Variants in CDH23 observed in about 807,000 individuals in gnomAD.
CDH23 encodes cadherin-23.
A neutral mutation model predicts 317.1 loss-of-function variants in CDH23; 189 were observed. That is an observed-to-expected ratio of 0.60 (90% CI 0.53 to 0.67). The LOEUF is 0.67. Ranked by LOEUF, CDH23 falls within the 30% of genes least tolerant of loss-of-function variation. CDH23 has a pLI of 0.00. For synonymous variants in CDH23, 1,839 were observed against 1,876.8 expected, an observed-to-expected ratio of 0.98 and a Z score of 0.52; for missense variants, 4,401 against 4,592.4, an observed-to-expected ratio of 0.96 and a Z score of 1.20.
intron 1 of CDH23, among the ~76,000 whole-genome samples, chr10:71,420,225 G>A (rs979350763): frequency 6.6e-6 from 1 of 150,728 alleles, no homozygotes; most frequent in Non-Finnish European, 1.5e-5. Flanking sequence ...TTTTATTTTT[G>A]GGCAGGCAAT....
At chr10:71,731,017 G>A (rs993110439) in intron 31 of CDH23, among the ~76,000 whole-genome samples, 5 of 152,340 alleles carry the variant, frequency 3.3e-5, no homozygotes, top group South Asian at 4.1e-4. Context: ...CCTAGCACAC[G>A]CAGACCCCCT....
In CDH23 at chr10:71,734,485, G is replaced by A. The variant is rs1023944308; in HGVS notation, c.4206+144G>A. The A allele has an allele frequency of 5.2e-6, 8 of 1,536,044 alleles. No homozygotes were observed. The Admixed American group carries it at 5.7e-5, about 11-fold the overall frequency. On this transcript the variant is annotated intron_variant, in intron 33 of 69. Coordinates refer to ENST00000224721, the MANE Select transcript of CDH23 (RefSeq NM_022124.6). ...ATAGCCTGAGGCTTCGCCATGTCCAGCCATGCCACACCTTCCCAGCAGGTT... is the reference window on the plus strand; with the variant it reads ...ATAGCCTGAGGCTTCGCCATGTCCAACCATGCCACACCTTCCCAGCAGGTT...
At chr10:71,511,653 G>T in intron 6 of CDH23, 1 of 269,112 alleles carries the variant, frequency 3.7e-6, no homozygotes, top group Non-Finnish European at 7.3e-6. Flanking sequence ...GCTTTCCCTA[G>T]CCCCGCGCTC....
At chr10:71,713,560 T>G (rs1399250836) in intron 28 of CDH23, 3 of 465,610 alleles carry the variant, frequency 6.4e-6, no homozygotes, top group Non-Finnish European at 1.2e-5. Context: ...AGGAAAGGGC[T>G]GGGGAGCAGG....
rs373600041 is a variant in CDH23, at chr10:71,809,997, G to C, written c.8900G>C (p.Arg2967Pro). 2 of 1,612,382 alleles carry C rather than the reference G, an allele frequency of 1.2e-6. No individual in the cohort carries two copies. Among genetic ancestry groups the C allele is most frequent in the African/African-American group, 1.3e-5 (1 of 75,032 alleles). Residue 2967 changes from arginine (R) to proline (P), a missense_variant, in exon 61 of 70, where the codon CGT (arginine) becomes CCT (proline). Transcript: ENST00000224721. Reference sequence around the variant, plus strand: ...ATCGTCATTAACGAGATCCCCGACCGTGTGCGCGGCTTCGAGGAGGAGTTC... The same window carrying C: ...ATCGTCATTAACGAGATCCCCGACCCTGTGCGCGGCTTCGAGGAGGAGTTC... ...VKIVINEIPDRVRGFEEEFIH... is the reference protein window; with the variant it reads ...VKIVINEIPDPVRGFEEEFIH...
intron 3 of CDH23, among the ~76,000 whole-genome samples, chr10:71,489,518 T>G (rs879394185): frequency 6.6e-6 from 1 of 152,164 alleles, no homozygotes; most frequent in Non-Finnish European, 1.5e-5. Context: ...GCCTGATAAT[T>G]GTAATATCTG....
At chr10:71,588,231 G>A (rs978424191) in intron 9 of CDH23, among the ~76,000 whole-genome samples, 3 of 152,160 alleles carry the variant, frequency 2.0e-5, no homozygotes, top group East Asian at 1.9e-4. Context: ...TTCTATCAGC[G>A]TGTCCGTGTC....
chr10:71,759,932 T>C (rs201401134), intron 38 of CDH23, among the ~76,000 whole-genome samples: 16 of 36,104 alleles, frequency 4.4e-4, no homozygotes, highest in East Asian at 1.6e-3. Flanking sequence ...CACACACACA[T>C]ATATACACAC....
chr10:71,472,204 G>T (rs1027055081), intron 3 of CDH23, among the ~76,000 whole-genome samples: 1 of 152,152 alleles, frequency 6.6e-6, no homozygotes, highest in Non-Finnish European at 1.5e-5. Flanking sequence ...CCAACAGGAG[G>T]CCCTGGCAGG....
chr10:71,692,790 C>G (rs1368447040), intron 20 of CDH23, among the ~76,000 whole-genome samples: 1 of 152,220 alleles, frequency 6.6e-6, no homozygotes, highest in Non-Finnish European at 1.5e-5. Flanking sequence ...AGTTAAGCGA[C>G]TTGGCCCAGG....
rs141884318 is a variant in CDH23 at position 71,785,945 on chromosome 10, C to CA, written c.5820+211dup. 3.8e-3 allele frequency among the ~76,000 whole-genome samples: 583 copies of CA among 152,300 alleles called. 5 individuals are homozygous for CA. The highest frequency in any genetic ancestry group is 0.013 in the African/African-American group (550 of 41,566). ...CCTCTTGGCCTCCATTTCTCTTCTG[C>CA]AAAATGAAGATCTCACCTACCCCAA... On this transcript the variant is annotated intron_variant, in intron 44 of 69. Transcript: ENST00000224721.
At chr10:71,502,962 C>T (rs1339494086) in intron 3 of CDH23, among the ~76,000 whole-genome samples, 1 of 152,240 alleles carries the variant, frequency 6.6e-6, no homozygotes, top group East Asian at 1.9e-4. Flanking sequence ...TACTGCTCTC[C>T]AGGAGCCGCA....
At chr10:71,737,888 G>C (rs575865435) in intron 34 of CDH23, 9 of 446,062 alleles carry the variant, frequency 2.0e-5, no homozygotes, top group South Asian at 1.3e-4. Context: ...TTATTTGACA[G>C]TCAGAAATTC....
intron 11 of CDH23, among the ~76,000 whole-genome samples, chr10:71,629,848 G>A (rs1158065363): frequency 2.6e-5 from 4 of 152,072 alleles, no homozygotes; most frequent in Non-Finnish European, 5.9e-5. Flanking sequence ...TGCTTAATGG[G>A]CACAAAGCTT....
At chr10:71,468,363 C>T (rs185143355) in intron 3 of CDH23, among the ~76,000 whole-genome samples, 41 of 152,306 alleles carry the variant, frequency 2.7e-4, no homozygotes, top group African/African-American at 8.7e-4. Context: ...TGGTGTCACT[C>T]CTCAGCTCAG....
chr10:71,647,378 G>A (rs1459209618), intron 14 of CDH23, among the ~76,000 whole-genome samples: 3 of 152,048 alleles, frequency 2.0e-5, no homozygotes, highest in Non-Finnish European at 2.9e-5. Flanking sequence ...CAGGAGAATC[G>A]CTTGAACCCA....
At chr10:71,559,788 T>C (rs1393684026) in intron 6 of CDH23, among the ~76,000 whole-genome samples, 1 of 152,202 alleles carries the variant, frequency 6.6e-6, no homozygotes, top group Non-Finnish European at 1.5e-5. Context: ...ACATTTTAGA[T>C]CCAGTACATT....
At chr10:71,796,630 G>A (rs577559371) in intron 48 of CDH23, among the ~76,000 whole-genome samples, 1 of 152,276 alleles carries the variant, frequency 6.6e-6, no homozygotes, top group African/African-American at 2.4e-5. Flanking sequence ...TACCATTTTA[G>A]CCACTTTTTA....
chr10:71,793,038 G>A (rs1166755401), intron 47 of CDH23, 144 bp from the exon 48 acceptor site: 1 of 551,172 alleles, frequency 1.8e-6, no homozygotes, highest in Non-Finnish European at 3.2e-6. Context: ...CTATAAAATT[G>A]CAAGTATGAA....
Sources: allele counts gnomAD v4.1 joint callset (sites outside exome capture counted in the v4.1 genomes callset), GRCh38; gene constraint gnomAD v4.1.1; transcripts MANE v1.5; gene names NCBI Gene and HGNC (gene_info 2026-07-23, HGNC 2026-07-21).